The following BNC1 variants were observed in gnomAD, a reference collection of about 807,000 sequenced individuals.
BNC1 encodes the protein basonuclin zinc finger protein 1.
Under a neutral mutation model 66.5 loss-of-function variants are expected in BNC1, and 8 were observed. That is an observed-to-expected ratio of 0.12 (90% confidence interval 0.07 to 0.22). BNC1 has a LOEUF of 0.22. BNC1 is among the 10% of genes least tolerant of loss of function. The pLI is 1.00. For missense variants in BNC1, 1,069 were observed against 1,241.3 expected, an observed-to-expected ratio of 0.86 and a Z score of 2.09; for synonymous variants, 454 against 452.6, an observed-to-expected ratio of 1.00 and a Z score of -0.04.
intron 1 of BNC1, among the ~76,000 whole-genome samples, chr15:83,271,929 T>C (rs2151438183): frequency 6.6e-6 from 1 of 152,328 alleles, no homozygotes; most frequent in Admixed American, 6.5e-5. Flanking sequence ...TACAAGTGAG[T>C]GATGGTTGAA....
At chr15:83,258,230 G>T in intron 4 of BNC1, 104 bp from the exon 5 acceptor site, 1 of 1,212,940 alleles carries the variant, frequency 8.2e-7, no homozygotes, top group Non-Finnish European at 1.1e-6. Flanking sequence ...CATGTGGTAT[G>T]GGAGCACCGA....
rs1307252375 is a variant in BNC1, at chr15:83,284,580, G to C, written c.49C>G (p.Arg17Gly). 2.3e-5 allele frequency: 24 copies of C among 1,052,684 alleles called. No homozygotes were observed. The South Asian group carries it at 9.1e-4, about 40-fold the overall frequency. 65.2% of individuals were successfully genotyped at this position (1,052,684 alleles called of 1,614,324 possible). A position where few individuals can be genotyped will look rare whatever the true frequency, so the allele number is the denominator to read the frequency against. ...TGCCGGGGCTGCCGGCGCGTCTCCC[G>C]GGCCCGGGCCGCCCCGCGTCCGCCC... ...SRGGRGAARA[R>G]ETRRQPRHRS... is the part of the protein sequence containing the mutation. The change falls in exon 1 of 5, where the codon CGG becomes GGG. Residue 17 changes from arginine to glycine, a missense_variant. Arg to Gly is a moderately radical substitution (Grantham distance 125). Around this residue, in one of 7 missense-constraint regions of BNC1, gnomAD observed 78 missense variants for 80.9 expected, o/e 0.96. Transcript: ENST00000345382.
At chr15:83,276,883 G>A (rs571310357) in intron 1 of BNC1, among the ~76,000 whole-genome samples, 10 of 152,310 alleles carry the variant, frequency 6.6e-5, no homozygotes, top group South Asian at 2.1e-4. Flanking sequence ...TAAAAACCAC[G>A]TGGAAAATGA....
rs2038090192 is a variant in BNC1, at chr15:83,257,580, A to G, written c.2847T>C (p.Thr949=). The part of the protein sequence containing the change: ...NKGTFRAHYK[T]VHLRQLHKCK... ...ATTTGTGGAGCTGCCGGAGGTGCACAGTTTTGTAGTGGGCCCTAAAGGTCC... is the reference window on the plus strand; with the variant it reads ...ATTTGTGGAGCTGCCGGAGGTGCACGGTTTTGTAGTGGGCCCTAAAGGTCC... Residue 949 remains threonine, a synonymous_variant, in exon 5 of 5, where the codon ACT becomes ACC. Transcript: ENST00000345382. 3.1e-6 allele frequency: 5 copies of G among 1,613,946 alleles called. No homozygotes were observed. The South Asian group carries it at 5.5e-5, about 18-fold the overall frequency.
Position 83,262,970 on chromosome 15 carries a change from A to G in BNC1, c.2281T>C (p.Ser761Pro), listed in dbSNP as rs777132266. The G allele has an allele frequency of 6.2e-7, 1 of 1,608,944 alleles. No individual in the cohort carries two copies. ...CCTTACCTGTCTCTGCTCCTGCGGG[A>G]GGGAAAGGTAGCATTACAGCCCTCC... is the stretch of plus-strand genomic sequence containing the variant. ...TVEGCNATFP[S>P]RRSRDRHSSN... The change falls in exon 4 of 5, where the codon TCC (serine) becomes CCC (proline). Residue 761 changes from serine to proline, a missense_variant. This residue lies in a region of BNC1 where 657 missense variants were observed against 715.8 expected (regional missense o/e 0.92). Transcript: ENST00000345382.
intron 4 of BNC1, among the ~76,000 whole-genome samples, chr15:83,258,513 T>A (rs910357694): frequency 6.6e-6 from 1 of 152,192 alleles, no homozygotes; most frequent in African/African-American, 2.4e-5. Context: ...TGCCCTCCCA[T>A]GTGCCCACAG....
chr15:83,257,969 T>G lies in BNC1; in HGVS notation c.2458A>C (p.Ile820Leu). ...FTQQASQTSV[I>L]FKGTSRMGSL... ...CCCATTCGACTTGTTCCTTTGAAGA[T>G]GACAGATGTCTGGGAGGCTTGCTGT... Residue 820 changes from isoleucine to leucine, a missense_variant, in exon 5 of 5, where the codon ATC becomes CTC. By Grantham distance (5) the Ile-to-Leu change is conservative. Transcript: ENST00000345382. The G allele has an allele frequency of 1.9e-6, 3 of 1,614,228 alleles. No individual in the cohort carries two copies. The highest frequency in any genetic ancestry group is 2.5e-6 in the Non-Finnish European group (3 of 1,180,028).
intron 1 of BNC1, among the ~76,000 whole-genome samples, chr15:83,282,903 C>G (rs1174659964): frequency 6.6e-6 from 1 of 152,210 alleles, no homozygotes; most frequent in Non-Finnish European, 1.5e-5. Context: ...CAGGGATTCC[C>G]AGGACACCGG....
Position 83,264,026 on chromosome 15 carries a change from G to T in BNC1, c.1225C>A (p.Pro409Thr). The T allele has an allele frequency of 2.5e-6, 4 of 1,614,196 alleles. No homozygotes were observed. Among genetic ancestry groups the T allele is most frequent in the Non-Finnish European group, 3.4e-6 (4 of 1,180,056 alleles). The change falls in exon 4 of 5, where the codon CCC (proline) becomes ACC (threonine). Residue 409 changes from proline to threonine, a missense_variant. This residue lies in a region of BNC1 where 82 missense variants were observed against 136.3 expected (regional missense o/e 0.60). Transcript: ENST00000345382. The part of the protein sequence containing the change: ...LRSRNRHSAN[P>T]NPRLHMPMNR... ...ATTGGCATGTGCAGCCGAGGGTTGG[G>T]GTTGGCGCTATGGCGATTCCGGCTC...
chr15:83,283,310 G>T, intron 1 of BNC1: 1 of 1,493,262 alleles, frequency 6.7e-7, no homozygotes, highest in South Asian at 1.3e-5. Flanking sequence ...AAATCCCGAG[G>T]AACTCCGGCA....
chr15:83,266,093 T>C (rs1215750291), intron 3 of BNC1, among the ~76,000 whole-genome samples: 1 of 152,146 alleles, frequency 6.6e-6, no homozygotes, highest in South Asian at 2.1e-4. Context: ...AAAAACACCT[T>C]GATAGCCTCT....
intron 1 of BNC1, among the ~76,000 whole-genome samples, chr15:83,277,492 G>GT (rs1222356331): frequency 6.6e-6 from 1 of 152,076 alleles, no homozygotes; most frequent in Non-Finnish European, 1.5e-5. Flanking sequence ...TGTATTTTTA[G>GT]TAGAGATGGG....
chr15:83,280,981 T>C (rs2151440688), intron 1 of BNC1, among the ~76,000 whole-genome samples: 1 of 152,314 alleles, frequency 6.6e-6, no homozygotes, highest in East Asian at 1.9e-4. Flanking sequence ...CCTCCTGTGA[T>C]TTGTTAGGCT....
intron 4 of BNC1, among the ~76,000 whole-genome samples, chr15:83,260,526 T>G (rs1203418606): frequency 6.6e-6 from 1 of 152,178 alleles, no homozygotes; most frequent in East Asian, 1.9e-4. Flanking sequence ...TCCAGGAAGC[T>G]TTCCTTAACT....
Position 83,257,905 on chromosome 15 carries a change from C to G in BNC1, c.2522G>C (p.Ser841Thr). Residue 841 changes from serine to threonine, a missense_variant, in exon 5 of 5, where the codon AGC becomes ACC. Ser to Thr is a moderately conservative substitution (Grantham distance 58, BLOSUM62 1). Around this residue, in one of 7 missense-constraint regions of BNC1, gnomAD observed 657 missense variants for 715.8 expected, o/e 0.92. Coordinates refer to ENST00000345382, the MANE Select transcript of BNC1 (RefSeq NM_001717.4). ...VYPITQVHSA[S>T]LESYNSGPLS... ...GGGGCCAGAGTTGTAGCTCTCCAGG[C>G]TGGCACTGTGGACTTGCGTTATTGG... is the stretch of plus-strand genomic sequence containing the variant. The G allele has an allele frequency of 6.2e-7, 1 of 1,614,202 alleles. No homozygotes were observed.
At chr15:83,267,491 TAACAA>T (rs2038229434) in intron 2 of BNC1, among the ~76,000 whole-genome samples, 1 of 152,124 alleles carries the variant, frequency 6.6e-6, no homozygotes, top group African/African-American at 2.4e-5. Flanking sequence ...TTGTGGGGCT[TAACAA>T]ATTAACCCCC....
intron 1 of BNC1, among the ~76,000 whole-genome samples, chr15:83,280,901 C>T (rs188000729): frequency 9.2e-5 from 14 of 152,324 alleles, no homozygotes; most frequent in African/African-American, 3.4e-4. Context: ...CTGACCCTCA[C>T]ATTTTATTTC....
At position 83,263,658 on chromosome 15, in the gene BNC1, G is replaced by C; in HGVS notation, c.1593C>G (p.Ala531=). 1 of 1,614,180 alleles carries C rather than the reference G, an allele frequency of 6.2e-7. No homozygotes were observed. ...ACTTCCTGGATTTCTTCTTGGGAAGGGCATCAAATGGCATTTCGTTTGAAA... is the reference window on the plus strand; with the variant it reads ...ACTTCCTGGATTTCTTCTTGGGAAGCGCATCAAATGGCATTTCGTTTGAAA... ...QLISNEMPFD[A]LPKKKSRKSS... is the part of the protein sequence containing the mutation. The change falls in exon 4 of 5, where the codon GCC becomes GCG. Residue 531 remains alanine (A), a synonymous_variant. Transcript: ENST00000345382.
chr15:83,272,307 T>G (rs899118757), intron 1 of BNC1, among the ~76,000 whole-genome samples: 1 of 152,030 alleles, frequency 6.6e-6, no homozygotes. Flanking sequence ...CTCGGCTCAA[T>G]GCAACCTCCA....
Sources: allele counts gnomAD v4.1 joint callset (sites outside exome capture counted in the v4.1 genomes callset), GRCh38; gene constraint gnomAD v4.1.1; regional missense constraint gnomAD v4.1.1; transcripts MANE v1.5; gene names NCBI Gene and HGNC (gene_info 2026-07-23, HGNC 2026-07-21).